THBS3: variants seen among roughly 807,000 people sequenced by gnomAD.
THBS3 encodes the protein thrombospondin 3, also known as thrombospondin-3.
In THBS3, 78 loss-of-function variants were observed where a neutral mutation model predicts 118.3. The ratio of observed to expected loss-of-function variants is 0.66; its 90% CI spans 0.55 to 0.80. The LOEUF is 0.80. THBS3 is among the 30% of genes least tolerant of loss of function. THBS3 has a pLI of 0.00. For missense variants in THBS3, 1,057 were observed against 1,247.4 expected (o/e 0.85, Z 2.30); for synonymous variants, 427 against 475.3 (o/e 0.90, Z 1.32).
Position 155,206,931 on chromosome 1 carries a change from C to T in THBS3, c.80-525G>A, listed in dbSNP as rs907635327. ...TGTGCCTTCCTTTCCCCATTATTGC[C>T]TATTACTACCTTCCAGGAACCTGCA... On this transcript the variant is annotated intron_variant, in intron 1 of 22. Transcript: ENST00000368378. The surrounding 1 kb of genome is among the most constrained non-coding windows in gnomAD (Gnocchi z 4.2). Among the ~76,000 whole-genome samples the T allele has an allele frequency of 1.3e-5, 2 of 152,168 alleles. No homozygotes were observed. Among genetic ancestry groups the T allele is most frequent in the African/African-American group, 4.8e-5 (2 of 41,438 alleles).
In THBS3 at chr1:155,205,111, C is replaced by T. The variant is rs1670359781; in HGVS notation, c.492G>A (p.Glu164=). ...LPALAPIPPA[E]VDGLEIRTGQ... ...CAGTCCTAATCTCCAGCCCATCGAC[C>T]TCCGCTGGAGGAATGGGGGCCAGTG... Residue 164 remains glutamate, a synonymous_variant, in exon 3 of 23, where the codon GAG becomes GAA. Transcript: ENST00000368378. 1 of 1,614,050 alleles carries T rather than the reference C, an allele frequency of 6.2e-7. No homozygotes were observed.
In THBS3 at chr1:155,202,937, A is replaced by G; in HGVS notation, c.832T>C (p.Cys278Arg). ...VCGFHEQRSH[C>R]SPNPCFRGVD... ...CCTCGGAAGCAGGGATTGGGGCTGC[A>G]GTGGGAACGCTGCTCATGGAAGCCT... The change falls in exon 8 of 23, where the codon TGC (cysteine) becomes CGC (arginine). Residue 278 changes from cysteine (C) to arginine (R), a missense_variant. Coordinates refer to ENST00000368378, the MANE Select transcript of THBS3 (RefSeq NM_007112.5). The surrounding 1 kb of genome is among the most constrained non-coding windows in gnomAD (Gnocchi z 5.5). 6.2e-6 allele frequency: 10 copies of G among 1,614,006 alleles called. No homozygotes were observed. The highest frequency in any genetic ancestry group is 8.5e-6 in the Non-Finnish European group (10 of 1,180,002).
chr1:155,203,035 G>A, intron 7 of THBS3, 51 bp downstream of exon 7: 3 of 1,613,966 alleles, frequency 1.9e-6, no homozygotes, highest in Non-Finnish European at 2.5e-6. Flanking sequence ...AAAGCCATTG[G>A]GTGGGGAACG....
chr1:155,197,319 A>G lies in THBS3; in HGVS notation c.2500-106T>C. 1.3e-6 allele frequency: 2 copies of G among 1,539,100 alleles called. No individual in the cohort carries two copies. Among genetic ancestry groups the G allele is most frequent in the Non-Finnish European group, 1.8e-6 (2 of 1,130,882 alleles). On this transcript the variant is annotated intron_variant, in intron 20 of 22. Coordinates refer to ENST00000368378, the MANE Select transcript of THBS3 (RefSeq NM_007112.5). The surrounding 1 kb of genome is among the most constrained non-coding windows in gnomAD (Gnocchi z 5.0). ...AAAGGGATTCAAGGCGGTCATGAAA[A>G]TGCCCTGGGGCCCCAGAGAGCCGGC...
chr1:155,208,490 A>T (rs904298471), upstream of THBS3, among the ~76,000 whole-genome samples: 1 of 152,254 alleles, frequency 6.6e-6, no homozygotes, highest in Non-Finnish European at 1.5e-5. Context: ...AGCAGTGGTC[A>T]GTGAGGTCAG....
chr1:155,197,902 G>A lies in THBS3; in HGVS notation c.2280C>T (p.Asn760=), dbSNP rs751137112. The change falls in exon 19 of 23, where the codon AAC becomes AAT. Residue 760 remains asparagine (N), a synonymous_variant. Transcript: ENST00000368378. This position sits in a 1 kb window ranked among gnomAD's most constrained non-coding sequence, Gnocchi z 5.0. ...TACCAACTGCCAAGCCAGGGTCACT[G>A]TTCATGGTCTGAACGATTTCCATGC... ...NQGMEIVQTM[N]SDPGLAVGYT... 6.2e-7 allele frequency: 1 copy of A among 1,614,094 alleles called. No homozygotes were observed. The highest frequency in any genetic ancestry group is 8.5e-7 in the Non-Finnish European group (1 of 1,180,018).
Position 155,201,130 on chromosome 1 carries a change from T to G in THBS3, c.1404A>C (p.Ala468=), listed in dbSNP as rs1272781637. 3 of 1,614,214 alleles carry G rather than the reference T, an allele frequency of 1.9e-6. No homozygotes were observed. Among genetic ancestry groups the G allele is most frequent in the Non-Finnish European group, 2.5e-6 (3 of 1,180,036 alleles). ...GTTTGTTGTTGTCCATGCAGGGCAG[T>G]GCTTGGTCTGGGTAGCCATCGATGT... ...DTDIDGYPDQ[A]LPCMDNNKHC... Residue 468 remains alanine (A), a synonymous_variant, in exon 12 of 23, where the codon GCA becomes GCC. Coordinates refer to ENST00000368378, the MANE Select transcript of THBS3 (RefSeq NM_007112.5).
rs1309204504 is a variant in THBS3 at position 155,207,881 on chromosome 1, C to G, written c.-5G>C. On this transcript the variant is annotated 5_prime_UTR_variant, in exon 1 of 23. Coordinates refer to ENST00000368378, the MANE Select transcript of THBS3 (RefSeq NM_007112.5). Reference sequence around the variant, plus strand: ...CCGAAGTTCCTGCGTCTCCATGCCTCTCAGCCGGCTCACTACCCCTGGCAG... The same window carrying G: ...CCGAAGTTCCTGCGTCTCCATGCCTGTCAGCCGGCTCACTACCCCTGGCAG... 7.4e-6 allele frequency: 12 copies of G among 1,613,674 alleles called. No homozygotes were observed. Among genetic ancestry groups the G allele is most frequent in the Non-Finnish European group, 1.0e-5 (12 of 1,179,988 alleles).
chr1:155,208,712 G>GGCGCCC, upstream of THBS3: 1 of 1,308,738 alleles, frequency 7.6e-7, no homozygotes, highest in Non-Finnish European at 1.0e-6. Context: ...CCCCAGCCCG[G>GGCGCCC]CCTCCGCTCC....
rs943729978 is a variant in THBS3 at position 155,197,821 on chromosome 1, C to A, written c.2302+59G>T. ...CTCCCTGTCTGTTTCCTCCCCTACC[C>A]TCTGCCCCTATAGGATTCCTCCATT... On this transcript the variant is annotated intron_variant, in intron 19 of 22. Coordinates refer to ENST00000368378, the MANE Select transcript of THBS3 (RefSeq NM_007112.5). The surrounding 1 kb of genome is among the most constrained non-coding windows in gnomAD (Gnocchi z 5.0). 4 of 1,611,832 alleles carry A rather than the reference C, an allele frequency of 2.5e-6. No homozygotes were observed. In the Admixed American group the frequency reaches 6.7e-5, roughly 27 times the overall value.
At chr1:155,199,656 G>A in intron 16 of THBS3, 148 bp downstream of exon 16, 1 of 737,154 alleles carries the variant, frequency 1.4e-6, no homozygotes, top group Non-Finnish European at 2.2e-6. Flanking sequence ...CAGGGAGGTT[G>A]AGGCATGAGA....
upstream of THBS3, chr1:155,207,979 G>T (rs980563883): frequency 7.1e-6 from 5 of 701,520 alleles, no homozygotes; most frequent in South Asian, 1.6e-5. Flanking sequence ...GAATTGGAGG[G>T]GGGGCCAGCA....
upstream of THBS3, chr1:155,209,076 G>A (rs1670943606): frequency 1.3e-6 from 2 of 1,539,166 alleles, no homozygotes; most frequent in Non-Finnish European, 1.8e-6. Flanking sequence ...CCCGAGGCCC[G>A]CGGCCCAGTC....
intron 16 of THBS3, 70 bp downstream of exon 16, chr1:155,199,734 G>T: frequency 6.4e-7 from 1 of 1,561,422 alleles, no homozygotes; most frequent in Non-Finnish European, 8.8e-7. Flanking sequence ...CAGCCTAGGT[G>T]ACAGAGCAAG....
Position 155,197,361 on chromosome 1 carries a change from T to C in THBS3, c.2499+102A>G. On this transcript the variant is annotated intron_variant, in intron 20 of 22. Transcript: ENST00000368378. The surrounding 1 kb of genome is among the most constrained non-coding windows in gnomAD (Gnocchi z 5.0). ...AGAGCCGGCCTCCAAGCCAGATGTC[T>C]GGGTAAGAGGGTTCCCAGTCAAGCA... The C allele has an allele frequency of 6.5e-7, 1 of 1,528,812 alleles. No homozygotes were observed. The highest frequency in any genetic ancestry group is 8.9e-7 in the Non-Finnish European group (1 of 1,127,256). 94.7% of individuals were successfully genotyped at this position (1,528,812 alleles called of 1,614,324 possible).
chr1:155,205,211 C>T lies in THBS3; in HGVS notation c.392G>A (p.Gly131Asp). Residue 131 changes from glycine to aspartate, a missense_variant, in exon 3 of 23, where the codon GGT becomes GAT. Physicochemically the swap from Gly to Asp is moderately conservative, Grantham distance 94. Transcript: ENST00000368378. Reference sequence around the variant, plus strand: ...TAGGGCAGGGCTGGGTCTGGAGGGACCTCGGAGTCGCAGGAGAACTGTGTG... The same window carrying T: ...TAGGGCAGGGCTGGGTCTGGAGGGATCTCGGAGTCGCAGGAGAACTGTGTG... ...RTHTVLLRLR[G>D]PSRPSPALHL... is the part of the protein sequence containing the mutation. 6.2e-7 allele frequency: 1 copy of T among 1,614,160 alleles called. No individual in the cohort carries two copies. The highest frequency in any genetic ancestry group is 8.5e-7 in the Non-Finnish European group (1 of 1,180,030).
At chr1:155,203,182 T>A in intron 6 of THBS3, 41 bp downstream of exon 6, 1 of 1,614,210 alleles carries the variant, frequency 6.2e-7, no homozygotes, top group Non-Finnish European at 8.5e-7. Flanking sequence ...TCTGCCACCC[T>A]ACCCCAGAAT....
chr1:155,202,105 A>T lies in THBS3; in HGVS notation c.1099-71T>A, dbSNP rs985528100. The T allele has an allele frequency of 1.9e-6, 3 of 1,612,812 alleles. No individual in the cohort carries two copies. In the Admixed American group the frequency reaches 5.0e-5, roughly 27 times the overall value. On this transcript the variant is annotated intron_variant, in intron 9 of 22. Coordinates refer to ENST00000368378, the MANE Select transcript of THBS3 (RefSeq NM_007112.5). This position sits in a 1 kb window ranked among gnomAD's most constrained non-coding sequence, Gnocchi z 5.5. ...CTCAGATACAGCAGAGGACACTGGT[A>T]TGGCCTTATCTGTGAACATCAACAT...
Position 155,203,509 on chromosome 1 carries a change from T to C in THBS3, c.673+4A>G. ...CCGCTTCCGCTTCAGTGTGGCCTACTCACCTAGAATGGAGTGCAGTGCATT... is the reference window on the plus strand; with the variant it reads ...CCGCTTCCGCTTCAGTGTGGCCTACCCACCTAGAATGGAGTGCAGTGCATT... On this transcript the variant is annotated splice_donor_region_variant and intron_variant, in intron 5 of 22. Coordinates refer to ENST00000368378, the MANE Select transcript of THBS3 (RefSeq NM_007112.5). The C allele has an allele frequency of 6.2e-7, 1 of 1,613,634 alleles. No individual in the cohort carries two copies. Among genetic ancestry groups the C allele is most frequent in the South Asian group, 1.1e-5 (1 of 90,968 alleles).
Sources: allele counts gnomAD v4.1 joint callset (sites outside exome capture counted in the v4.1 genomes callset), GRCh38; gene constraint gnomAD v4.1.1; non-coding constraint Gnocchi (gnomAD v3.1); transcripts MANE v1.5; gene names NCBI Gene and HGNC (gene_info 2026-07-23, HGNC 2026-07-21).